The following VPS13C variants were observed in gnomAD, a reference collection of about 807,000 sequenced individuals.
The protein encoded by VPS13C is vacuolar protein sorting 13 homolog C.
Under a neutral mutation model 456.8 loss-of-function variants are expected in VPS13C, and 358 were observed. That is an observed-to-expected ratio of 0.78 (90% CI 0.72 to 0.86). The LOEUF (loss-of-function observed/expected upper bound fraction) is 0.86. VPS13C is among the 40% of genes least tolerant of loss of function. The pLI is 0.00. For missense variants in VPS13C, 4,818 were observed against 4,385.4 expected (o/e 1.10, Z -2.79); for synonymous variants, 1,578 against 1,486.7 (o/e 1.06, Z -1.41).
intron 4 of VPS13C, 99 bp from the exon 5 acceptor site, chr15:62,033,641 C>T (rs1013889369): frequency 1.6e-6 from 1 of 619,908 alleles, no homozygotes; most frequent in Non-Finnish European, 2.5e-6. Context: ...GTGTATAATC[C>T]TTCTGCAATA....
chr15:62,008,551 TAAAGTGGC>T, intron 14 of VPS13C, 96 bp downstream of exon 14: 1 of 622,780 alleles, frequency 1.6e-6, no homozygotes. Flanking sequence ...TCTCTTTTTT[TAAAGTGGC>T]TGAATTACTT....
intron 28 of VPS13C, among the ~76,000 whole-genome samples, 198 bp from the exon 29 acceptor site, chr15:61,967,645 C>G (rs1456036307): frequency 2.6e-5 from 4 of 152,020 alleles, no homozygotes; most frequent in African/African-American, 9.7e-5. Flanking sequence ...ATCCAACTTA[C>G]TTAAAAACAT....
intron 1 of VPS13C, among the ~76,000 whole-genome samples, chr15:62,048,522 G>C (rs1373308883): frequency 6.6e-6 from 1 of 152,070 alleles, no homozygotes; most frequent in African/African-American, 2.4e-5. Context: ...ACTTGGGTTG[G>C]TTCCAAGTCT....
intron 47 of VPS13C, among the ~76,000 whole-genome samples, chr15:61,939,128 A>T (rs1303754430): frequency 2.6e-5 from 4 of 152,194 alleles, no homozygotes; most frequent in Non-Finnish European, 1.5e-5. Flanking sequence ...TCTGCTACCA[A>T]CAGACATTCA....
intron 15 of VPS13C, among the ~76,000 whole-genome samples, chr15:62,006,905 T>C (rs1274056284): frequency 6.6e-6 from 1 of 152,184 alleles, no homozygotes; most frequent in Non-Finnish European, 1.5e-5. Context: ...AATGTCTTCT[T>C]AGTAAAAGCT....
rs754483332 is a variant in VPS13C at position 61,876,983 on chromosome 15, T to C, written c.10214A>G (p.Tyr3405Cys). The C allele has an allele frequency of 6.2e-7, 1 of 1,604,430 alleles. No individual in the cohort carries two copies. Among genetic ancestry groups the C allele is most frequent in the South Asian group, 1.1e-5 (1 of 89,354 alleles). The change falls in exon 75 of 85, where the codon TAC becomes TGC. Residue 3405 changes from tyrosine (Y) to cysteine (C), a missense_variant. Tyr to Cys is a radical substitution (Grantham distance 194). Coordinates refer to ENST00000644861, the MANE Select transcript of VPS13C (RefSeq NM_020821.3). ...DQLIWSVVRHYSEQFLKQMYV... is the reference protein window; with the variant it reads ...DQLIWSVVRHCSEQFLKQMYV... ...ATGATAGGAAATTACCTGTTCACTG[T>C]AATGCCTAACAACACTCCATATAAG...
chr15:61,910,352 T>C (rs1555416773), intron 63 of VPS13C, 47 bp from the exon 64 acceptor site: 3 of 1,327,610 alleles, frequency 2.3e-6, no homozygotes, highest in Non-Finnish European at 2.9e-6. Flanking sequence ...TACCGTTATA[T>C]AATAAATAAG....
chr15:62,046,462 C>G (rs1427996777), intron 1 of VPS13C, among the ~76,000 whole-genome samples: 1 of 152,154 alleles, frequency 6.6e-6, no homozygotes, highest in African/African-American at 2.4e-5. Context: ...TGATGAATTA[C>G]ACAAAATTAC....
rs183473737 is a variant in VPS13C at position 61,991,172 on chromosome 15, A to T, written c.1484-78T>A. 5 of 1,106,062 alleles carry T rather than the reference A, an allele frequency of 4.5e-6. No homozygotes were observed. In the Admixed American group the frequency reaches 1.2e-4, roughly 26 times the overall value. 68.5% of individuals were successfully genotyped at this position (1,106,062 alleles called of 1,614,324 possible). On this transcript the variant is annotated intron_variant, in intron 17 of 84. Coordinates refer to ENST00000644861, the MANE Select transcript of VPS13C (RefSeq NM_020821.3). ...ACTAAAAAGACTAACCAAACTAACA[A>T]GTATCCTAAAATCAACAGACACAAA...
At chr15:61,868,594 G>T in intron 81 of VPS13C, 65 bp downstream of exon 81, 1 of 1,401,616 alleles carries the variant, frequency 7.1e-7, no homozygotes, top group Non-Finnish European at 1.0e-6. Context: ...AACCACCTAG[G>T]AAATCCTGGG....
At chr15:62,001,539 T>C (rs2046615978) in intron 15 of VPS13C, among the ~76,000 whole-genome samples, 1 of 152,240 alleles carries the variant, frequency 6.6e-6, no homozygotes, top group African/African-American at 2.4e-5. Context: ...ATTAGTATAC[T>C]TTAAGTTTTA....
chr15:61,944,470 T>C (rs1414726144), intron 45 of VPS13C, among the ~76,000 whole-genome samples: 1 of 152,068 alleles, frequency 6.6e-6, no homozygotes, highest in Non-Finnish European at 1.5e-5. Context: ...AAGAATGAAA[T>C]CATGTCCTTT....
At chr15:61,957,668 G>C (rs553190374) in intron 37 of VPS13C, among the ~76,000 whole-genome samples, 3 of 151,980 alleles carry the variant, frequency 2.0e-5, no homozygotes, top group Non-Finnish European at 4.4e-5. Context: ...ATTATTTGCT[G>C]ACCTAATTGT....
In VPS13C at chr15:61,920,087, G is replaced by C. The variant is rs1443327679; in HGVS notation, c.7457C>G (p.Ser2486Cys). 6.2e-7 allele frequency: 1 copy of C among 1,607,264 alleles called. No homozygotes were observed. Among genetic ancestry groups the C allele is most frequent in the Non-Finnish European group, 8.5e-7 (1 of 1,175,310 alleles). Residue 2486 changes from serine (S) to cysteine (C), a missense_variant, in exon 57 of 85, where the codon TCC becomes TGC. Around this residue, in one of 3 missense-constraint regions of VPS13C, gnomAD observed 4,552 missense variants for 4,130.6 expected, o/e 1.10. Transcript: ENST00000644861. ...CCTACCAATGGTCAGAGTGAAGAAGGAGCTTTCTTGACGGCTCAATATAGA... is the reference window on the plus strand; with the variant it reads ...CCTACCAATGGTCAGAGTGAAGAAGCAGCTTTCTTGACGGCTCAATATAGA... The part of the protein sequence containing the change: ...NLSILSRQES[S>C]FFTLTIVPHG...
chr15:61,945,960 G>T (rs1050700273), intron 44 of VPS13C, 78 bp from the exon 45 acceptor site: 1 of 1,209,400 alleles, frequency 8.3e-7, no homozygotes, highest in Non-Finnish European at 1.1e-6. Flanking sequence ...ATAAGTTCTC[G>T]TATTACAGAA....
chr15:61,938,493 G>T (rs74580353), intron 47 of VPS13C, among the ~76,000 whole-genome samples: 1 of 152,112 alleles, frequency 6.6e-6, no homozygotes, highest in Non-Finnish European at 1.5e-5. Context: ...ATGACCAAAG[G>T]GGGGTGTTTA....
Position 62,023,509 on chromosome 15 carries a change from C to T in VPS13C, c.526G>A (p.Glu176Lys). The T allele has an allele frequency of 6.4e-7, 1 of 1,568,558 alleles. No individual in the cohort carries two copies. The highest frequency in any genetic ancestry group is 2.0e-5 in the Admixed American group (1 of 48,980). The change falls in exon 8 of 85, where the codon GAA becomes AAA. Residue 176 changes from glutamate (E) to lysine (K), a missense_variant. Around this residue, in one of 3 missense-constraint regions of VPS13C, gnomAD observed 4,552 missense variants for 4,130.6 expected, o/e 1.10. Coordinates refer to ENST00000644861, the MANE Select transcript of VPS13C (RefSeq NM_020821.3). The stretch of plus-strand genomic sequence containing the variant: ...TCCACAAATGTATCCTTTTTGGCTT[C>T]TTTTGGCTTATCTATTAAAAAATAG... Reference protein sequence around the residue: ...GLDRSKDKPKEAKKDTFVEKL... With the variant: ...GLDRSKDKPKKAKKDTFVEKL...
At chr15:62,057,236 A>C (rs1172416510) in intron 1 of VPS13C, among the ~76,000 whole-genome samples, 1 of 152,200 alleles carries the variant, frequency 6.6e-6, no homozygotes. Context: ...GTGAACTGTA[A>C]ACCTTATCTG....
At chr15:62,043,065 T>G (rs1019726302) in intron 2 of VPS13C, among the ~76,000 whole-genome samples, 4 of 151,926 alleles carry the variant, frequency 2.6e-5, no homozygotes, top group Admixed American at 6.6e-5. Context: ...TATATTGTCA[T>G]AAATAGAGAA....
Sources: allele counts gnomAD v4.1 joint callset (sites outside exome capture counted in the v4.1 genomes callset), GRCh38; gene constraint gnomAD v4.1.1; regional missense constraint gnomAD v4.1.1; transcripts MANE v1.5; gene names NCBI Gene and HGNC (gene_info 2026-07-23, HGNC 2026-07-21).